Variants in NXNL2 observed in about 807,000 individuals in gnomAD.
The protein encoded by NXNL2 is nucleoredoxin like 2, also known as nucleoredoxin-like protein 2.
A neutral mutation model predicts 11.1 loss-of-function variants in NXNL2; 7 were observed. That is an observed-to-expected ratio of 0.63 (90% CI 0.36 to 1.18). The LOEUF is 1.18. NXNL2 is among the 50% of genes most tolerant of loss of function. The pLI, the probability that NXNL2 is intolerant of heterozygous loss-of-function variation, is 0.02. For synonymous variants in NXNL2, 109 were observed against 101.8 expected, an observed-to-expected ratio of 1.07 and a Z score of -0.42; for missense variants, 233 against 217.7, an observed-to-expected ratio of 1.07 and a Z score of -0.44.
chr9:88,560,844 T>A (rs1830076711), intron 1 of NXNL2, among the ~76,000 whole-genome samples: 1 of 151,590 alleles, frequency 6.6e-6, no homozygotes, highest in African/African-American at 2.4e-5. Context: ...TAGAGAGGAG[T>A]GGCCTTGGGC....
exon 3 of NXNL2, chr9:88,575,187 C>T (rs1294343175): frequency 9.2e-6 from 9 of 983,540 alleles, no homozygotes; most frequent in East Asian, 1.1e-4. Flanking sequence ...CTGCATTCTG[C>T]GAGTCTGTGC....
chr9:88,535,357 G>T lies in NXNL2; in HGVS notation c.-78G>T. The T allele has an allele frequency of 7.2e-7, 1 of 1,393,282 alleles. No homozygotes were observed. The highest frequency in any genetic ancestry group is 9.5e-7 in the Non-Finnish European group (1 of 1,056,364). The allele number at this position is 1,393,282 out of a possible 1,614,324, so 86.3% of individuals were successfully genotyped here. A position where few individuals can be genotyped will look rare whatever the true frequency, so the allele number is the denominator to read the frequency against. On this transcript the variant is annotated 5_prime_UTR_variant, in exon 1 of 2. Coordinates refer to ENST00000375854, the MANE Select transcript of NXNL2 (RefSeq NM_001161625.2). The stretch of plus-strand genomic sequence containing the variant: ...GTGCGGACAGAGGCGGGGCACCGCG[G>T]CGCTCGCCGCCGCCTCCCCGCAGGT...
intron 1 of NXNL2, among the ~76,000 whole-genome samples, chr9:88,583,216 G>A (rs771960102): frequency 3.3e-4 from 50 of 152,312 alleles, no homozygotes; most frequent in African/African-American, 5.8e-4. Flanking sequence ...CTGCTTCTGC[G>A]GCATTTGTTA....
At position 88,561,876 on chromosome 9, in the gene NXNL2, A is replaced by G. The variant is rs764890373; in HGVS notation, c.303-9211A>G. On this transcript the variant is annotated intron_variant, in intron 1 of 2. Transcript: ENST00000375855. ...GTGCTGCTGGTGGGGATGCAGACTC[A>G]TACAGCCATTTGAGAAATTGAATTT... Among the ~76,000 whole-genome samples, 4 of 152,344 alleles carry G rather than the reference A, an allele frequency of 2.6e-5. No homozygotes were observed. In the Middle Eastern group the frequency reaches 0.014, roughly 518 times the overall value.
chr9:88,573,369 C>G (rs1335673763), intron 2 of NXNL2, among the ~76,000 whole-genome samples: 1 of 152,138 alleles, frequency 6.6e-6, no homozygotes, highest in African/African-American at 2.4e-5. Context: ...GTTTCGAACT[C>G]CTGGGCTCAA....
chr9:88,546,148 CGTGTGTGTGTGT>C (rs747134247), downstream of NXNL2, among the ~76,000 whole-genome samples: 2 of 147,376 alleles, frequency 1.4e-5, no homozygotes, highest in Non-Finnish European at 3.0e-5. Context: ...ACTGAGTGTT[CGTGTGTGTGTGT>C]GTGTGTGTGT....
At chr9:88,576,942 G>T (rs1057416826), downstream of NXNL2, among the ~76,000 whole-genome samples, 2 of 140,276 alleles carry the variant, frequency 1.4e-5, no homozygotes, top group African/African-American at 5.4e-5. Flanking sequence ...CAACTGGGGT[G>T]AGCCACCACC....
Position 88,544,385 on chromosome 9 carries a change from GA to G in NXNL2, c.310del (p.Arg104GlyfsTer13). On this transcript the variant is annotated frameshift_variant, in exon 2 of 2. Coordinates refer to ENST00000375854, the MANE Select transcript of NXNL2 (RefSeq NM_001161625.2). LOFTEE classifies it high-confidence loss of function. Reference protein sequence around the residue: ...PFHDPYRHELRKRYNVTAIPK... With the variant: ...PFHDPYRHELXKRYNVTAIPK... ...CCACTCTTCTGTCCTGCAGTGAGCT[GA>G]GGAAGAGGTACAACGTCACAGCCAT... is the stretch of plus-strand genomic sequence containing the variant. 6.4e-7 allele frequency: 1 copy of G among 1,551,790 alleles called. No individual in the cohort carries two copies. The highest frequency in any genetic ancestry group is 1.7e-4 in the Middle Eastern group (1 of 5,994).
chr9:88,537,384 T>C lies in NXNL2; in HGVS notation c.302+1648T>C, dbSNP rs144134132. 2.8e-3 allele frequency among the ~76,000 whole-genome samples: 434 copies of C among 152,318 alleles called. 1 individual carries two copies. The highest frequency in any genetic ancestry group is 5.1e-3 in the Non-Finnish European group (348 of 68,030). On this transcript the variant is annotated intron_variant, in intron 1 of 1. Coordinates refer to ENST00000375854, the MANE Select transcript of NXNL2 (RefSeq NM_001161625.2). ...GGGCCATGGAGACTGCTCGTCTGTT[T>C]CTGATGCTCTGGTCAAGCCTGTGAG...
At chr9:88,543,709 A>G (rs796078517) in intron 1 of NXNL2, among the ~76,000 whole-genome samples, 38 of 152,334 alleles carry the variant, frequency 2.5e-4, no homozygotes, top group African/African-American at 8.9e-4. Context: ...TGACAACTTA[A>G]ATTTAAATTA....
At chr9:88,576,352 G>A (rs969133482), downstream of NXNL2, among the ~76,000 whole-genome samples, 1 of 152,230 alleles carries the variant, frequency 6.6e-6, no homozygotes, top group Admixed American at 6.5e-5. Context: ...ACAGGTGGCT[G>A]CTTCTTTCTC....
intron 1 of NXNL2, among the ~76,000 whole-genome samples, chr9:88,562,622 G>A (rs986256168): frequency 3.3e-5 from 5 of 151,312 alleles, no homozygotes; most frequent in East Asian, 2.0e-4. Flanking sequence ...GCATGGTGGC[G>A]TGGCCCGTAA....
chr9:88,544,256 G>A, intron 1 of NXNL2, 123 bp from the exon 2 acceptor site: 2 of 715,580 alleles, frequency 2.8e-6, no homozygotes, highest in East Asian at 5.8e-5. Flanking sequence ...GCAGGAGCAG[G>A]CTGGGTGGGG....
At chr9:88,558,302 G>T (rs778319275) in intron 1 of NXNL2, among the ~76,000 whole-genome samples, 1 of 152,158 alleles carries the variant, frequency 6.6e-6, no homozygotes, top group Non-Finnish European at 1.5e-5. Flanking sequence ...GGAGTTTCTG[G>T]CTAGCTGAAC....
chr9:88,556,966 A>C (rs973703015), intron 1 of NXNL2, among the ~76,000 whole-genome samples: 16 of 151,746 alleles, frequency 1.1e-4, no homozygotes, highest in African/African-American at 3.4e-4. Flanking sequence ...CTGTAGTCCC[A>C]GCTACTCAGG....
intron 1 of NXNL2, among the ~76,000 whole-genome samples, chr9:88,557,092 A>G (rs1215336464): frequency 5.3e-5 from 8 of 151,450 alleles, no homozygotes; most frequent in African/African-American, 9.7e-5. Flanking sequence ...AAAAAAAAAA[A>G]AAAAAAAAAA....
chr9:88,538,742 G>T (rs1434467500), intron 1 of NXNL2, among the ~76,000 whole-genome samples: 1 of 152,222 alleles, frequency 6.6e-6, no homozygotes, highest in Non-Finnish European at 1.5e-5. Flanking sequence ...GGTGGAATTG[G>T]AGGTGGGTCT....
intron 1 of NXNL2, among the ~76,000 whole-genome samples, chr9:88,565,996 C>A (rs1301412814): frequency 6.6e-6 from 1 of 152,156 alleles, no homozygotes; most frequent in Non-Finnish European, 1.5e-5. Context: ...AGTGCCTATT[C>A]AAGTCCTAAT....
chr9:88,572,760 G>A (rs901627474), intron 2 of NXNL2, among the ~76,000 whole-genome samples: 3 of 152,220 alleles, frequency 2.0e-5, no homozygotes, highest in African/African-American at 7.2e-5. Context: ...GTTAGGAGAA[G>A]GAGGTCCGGC....
Sources: gnomAD v4.1 joint callset for allele counts (sites outside exome capture counted in the v4.1 genomes callset) on GRCh38, gnomAD v4.1.1 for gene constraint, MANE v1.5 for transcripts, NCBI Gene and HGNC (gene_info 2026-07-23, HGNC 2026-07-21) for gene names.